The following TMEM272 variants were observed in gnomAD, a reference collection of about 807,000 sequenced individuals.
The protein encoded by TMEM272 is long intergenic non-protein coding RNA 282.
In TMEM272, 8 loss-of-function variants were observed where a neutral mutation model predicts 3.7. That is an observed-to-expected ratio of 2.17 (90% CI 1.27 to 3.91). The LOEUF is 3.91. Among genes scored for constraint, TMEM272 ranks in the 30% most tolerant of loss-of-function variants. TMEM272 has a pLI of 0.00. For missense variants in TMEM272, 166 were observed against 91.5 expected, an observed-to-expected ratio of 1.81 and a Z score of -3.32; for synonymous variants, 63 against 39.8, an observed-to-expected ratio of 1.58 and a Z score of -2.20.
At chr13:51,881,922 A>G in the TMEM272 span, among the ~76,000 whole-genome samples, 2 of 152,200 alleles carry the variant, frequency 1.3e-5, no homozygotes, top group African/African-American at 4.8e-5. Flanking sequence ...TGCAAGAGAG[A>G]AAGAGGACAT....
upstream of TMEM272, among the ~76,000 whole-genome samples, chr13:51,846,108 A>C (rs2139596889): frequency 6.6e-6 from 1 of 152,250 alleles, no homozygotes; most frequent in South Asian, 2.1e-4. Context: ...CCCTGGGAGG[A>C]GGGCACCTCT....
At chr13:51,910,967 T>A in the TMEM272 span, among the ~76,000 whole-genome samples, 1 of 152,338 alleles carries the variant, frequency 6.6e-6, no homozygotes, top group African/African-American at 2.4e-5. Context: ...GTCTTGTGCA[T>A]GAGCCCAGGT....
At chr13:51,915,537 C>G in the TMEM272 span, among the ~76,000 whole-genome samples, 1 of 152,198 alleles carries the variant, frequency 6.6e-6, no homozygotes, top group Non-Finnish European at 1.5e-5. Context: ...GCTTTGAACT[C>G]CACATGCTAC....
rs1322177439 is a variant in TMEM272, at chr13:51,826,613, A to G, written c.71T>C (p.Val24Ala). ...CAGAGCCAGGAAAGCACAGAGCACAACAACGAAGCAGGCTGCAAGGAGAAG... is the reference window on the plus strand; with the variant it reads ...CAGAGCCAGGAAAGCACAGAGCACAGCAACGAAGCAGGCTGCAAGGAGAAG... The part of the protein sequence containing the change: ...SKIASNACFV[V>A]VLCAFLALPL... Residue 24 changes from valine (V) to alanine (A), a missense_variant, in exon 3 of 5, where the codon GTT (valine) becomes GCT (alanine). Physicochemically the swap from Val to Ala is moderately conservative, Grantham distance 64. Transcript: ENST00000629372. 1 of 702,514 alleles carries G rather than the reference A, an allele frequency of 1.4e-6. No homozygotes were observed. Among genetic ancestry groups the G allele is most frequent in the Admixed American group, 2.0e-5 (1 of 49,998 alleles). 43.5% of individuals were successfully genotyped at this position (702,514 alleles called of 1,614,324 possible). A position where few individuals can be genotyped will look rare whatever the true frequency, so the allele number is the denominator to read the frequency against.
the TMEM272 span, among the ~76,000 whole-genome samples, chr13:51,879,954 C>T: frequency 9.2e-5 from 14 of 152,228 alleles, no homozygotes; most frequent in East Asian, 2.7e-3. Flanking sequence ...ATGGATGCCT[C>T]AAGTTGACAC....
At chr13:51,930,133 C>A in the TMEM272 span, among the ~76,000 whole-genome samples, 3,386 of 152,044 alleles carry the variant, frequency 0.022, 46 homozygotes, top group Non-Finnish European at 0.033. Flanking sequence ...GCCTTCCCCC[C>A]CCCCACTTTC....
At chr13:51,866,365 G>A in the TMEM272 span, 1 of 324,360 alleles carries the variant, frequency 3.1e-6, no homozygotes, top group East Asian at 5.1e-5. Flanking sequence ...GTTTGGAAGT[G>A]GAGACGCTTT....
chr13:51,827,320 T>C (rs943455069), intron 2 of TMEM272, among the ~76,000 whole-genome samples: 2 of 152,200 alleles, frequency 1.3e-5, no homozygotes, highest in African/African-American at 4.8e-5. Flanking sequence ...GCCATGTGGC[T>C]TTGGGCAAAT....
chr13:51,898,793 T>G, the TMEM272 span, among the ~76,000 whole-genome samples: 30 of 151,934 alleles, frequency 2.0e-4, no homozygotes, highest in South Asian at 2.1e-3. Context: ...GCACCCAGCA[T>G]GCTAAAAAGG....
the TMEM272 span, among the ~76,000 whole-genome samples, chr13:51,895,827 T>C: frequency 6.6e-6 from 1 of 152,194 alleles, no homozygotes; most frequent in African/African-American, 2.4e-5. Flanking sequence ...AGCCCCCCTG[T>C]GATGGTAAAT....
At chr13:51,867,384 T>C in the TMEM272 span, among the ~76,000 whole-genome samples, 1 of 152,194 alleles carries the variant, frequency 6.6e-6, no homozygotes, top group Non-Finnish European at 1.5e-5. Context: ...CCTTTCCTAA[T>C]ACAGCCCTGG....
chr13:51,883,048 C>T, the TMEM272 span, among the ~76,000 whole-genome samples: 19 of 152,232 alleles, frequency 1.2e-4, no homozygotes, highest in Non-Finnish European at 2.4e-4. Flanking sequence ...ACTGTCTAGA[C>T]GAACACAGTA....
At chr13:51,921,793 C>G in the TMEM272 span, among the ~76,000 whole-genome samples, 1 of 152,214 alleles carries the variant, frequency 6.6e-6, no homozygotes, top group African/African-American at 2.4e-5. Flanking sequence ...GCCCCCTGCT[C>G]TCCCCTCTCT....
the TMEM272 span, among the ~76,000 whole-genome samples, chr13:51,855,796 T>C: frequency 1.3e-4 from 20 of 152,224 alleles, no homozygotes; most frequent in Non-Finnish European, 1.5e-5. Context: ...TGAAAATGTT[T>C]AACATATATG....
rs887306818 is a variant in TMEM272 at position 51,816,881 on chromosome 13, C to A, written c.434G>T (p.Cys145Phe). The A allele has an allele frequency of 4.3e-6, 3 of 702,776 alleles. No homozygotes were observed. Among genetic ancestry groups the A allele is most frequent in the Admixed American group, 4.0e-5 (2 of 49,986 alleles). The allele number at this position is 702,776 out of a possible 1,614,324, so 43.5% of individuals were successfully genotyped here. ...LPPFQQPQDY[C>F]DKTLYLFAVG... ...TGCAAAGAGGTACAGGGTTTTGTCA[C>A]AGTAGTCCTGAGGCTGCTGGAAAGG... The change falls in exon 5 of 5, where the codon TGT becomes TTT. Residue 145 changes from cysteine to phenylalanine, a missense_variant. By Grantham distance (205) the Cys-to-Phe change is radical (BLOSUM62 -2). Coordinates refer to ENST00000629372, the MANE Select transcript of TMEM272 (RefSeq NM_001351003.2).
chr13:51,858,248 TAG>T, the TMEM272 span, among the ~76,000 whole-genome samples: 1 of 152,008 alleles, frequency 6.6e-6, no homozygotes, highest in African/African-American at 2.4e-5. Context: ...AATTCAGACA[TAG>T]AGAGAGAGAA....
the TMEM272 span, among the ~76,000 whole-genome samples, chr13:51,930,943 C>T: frequency 6.6e-6 from 1 of 152,104 alleles, no homozygotes; most frequent in East Asian, 1.9e-4. Context: ...TCTAACATGT[C>T]AATTTCCAGA....
At chr13:51,879,879 G>A in the TMEM272 span, among the ~76,000 whole-genome samples, 1 of 152,194 alleles carries the variant, frequency 6.6e-6, no homozygotes, top group African/African-American at 2.4e-5. Flanking sequence ...TCCAACAAGA[G>A]GGTCCAGGAA....
the TMEM272 span, among the ~76,000 whole-genome samples, chr13:51,861,252 A>G: frequency 1.3e-5 from 2 of 152,280 alleles, no homozygotes; most frequent in East Asian, 1.9e-4. Context: ...AGTTGCAGAT[A>G]TATAGGATAA....
Sources: allele counts gnomAD v4.1 joint callset (sites outside exome capture counted in the v4.1 genomes callset), GRCh38; gene constraint gnomAD v4.1.1; transcripts MANE v1.5; gene names NCBI Gene and HGNC (gene_info 2026-07-23, HGNC 2026-07-21).